The following EXOC6B variants were observed in gnomAD, a reference collection of about 807,000 sequenced individuals.
The protein encoded by EXOC6B is exocyst complex component 6B, also known as SEC15 homolog B.
In EXOC6B, 54 loss-of-function variants were observed where a neutral mutation model predicts 113.5. The observed-to-expected ratio is 0.48, with a 90% CI of 0.38 to 0.60. The LOEUF (loss-of-function observed/expected upper bound fraction) is 0.60, where lower values mean the gene tolerates loss of function less well. Ranked by LOEUF, EXOC6B falls within the 20% of genes least tolerant of loss-of-function variation. EXOC6B has a pLI of 0.00. For synonymous variants in EXOC6B, 357 were observed against 339.0 expected (o/e 1.05, Z -0.58); for missense variants, 797 against 977.5 (o/e 0.82, Z 2.46).
intron 8 of EXOC6B, among the ~76,000 whole-genome samples, chr2:72,533,254 C>A (rs1702110604): frequency 6.6e-6 from 1 of 152,208 alleles, no homozygotes; most frequent in South Asian, 2.1e-4. Context: ...TTAAATCTGG[C>A]AGTGATCCTT....
chr2:72,731,178 T>C lies in EXOC6B; in HGVS notation c.395A>G (p.Asp132Gly). ...LQQRNISATV[D>G]KLMLCLPVLE... ...ACCTGGAAGACACAGCATTAATTTATCAACAGTGGCAGAAATATTTCTCTG... is the reference window on the plus strand; with the variant it reads ...ACCTGGAAGACACAGCATTAATTTACCAACAGTGGCAGAAATATTTCTCTG... The change falls in exon 4 of 22, where the codon GAT becomes GGT. Residue 132 changes from aspartate to glycine, a missense_variant. Transcript: ENST00000272427. 2 of 1,613,300 alleles carry C rather than the reference T, an allele frequency of 1.2e-6. No homozygotes were observed. The highest frequency in any genetic ancestry group is 1.7e-6 in the Non-Finnish European group (2 of 1,179,592).
intron 6 of EXOC6B, among the ~76,000 whole-genome samples, chr2:72,698,555 G>T (rs977957095): frequency 6.6e-6 from 1 of 152,084 alleles, no homozygotes; most frequent in African/African-American, 2.4e-5. Context: ...ATTTTTCATT[G>T]TTATCTTGCC....
chr2:72,567,953 G>A (rs1704283700), intron 7 of EXOC6B, among the ~76,000 whole-genome samples: 1 of 151,990 alleles, frequency 6.6e-6, no homozygotes, highest in South Asian at 2.1e-4. Context: ...TCCAGAAAGT[G>A]GCATCAATGA....
chr2:72,465,801 C>G (rs1014368599), intron 17 of EXOC6B, among the ~76,000 whole-genome samples: 6 of 152,174 alleles, frequency 3.9e-5, no homozygotes, highest in Admixed American at 3.3e-4. Context: ...CACTTTCATT[C>G]TGATCTTCCT....
Position 72,280,374 on chromosome 2 carries a change from G to A in EXOC6B, c.2196+54573C>T, listed in dbSNP as rs200804937. 1.4e-4 allele frequency among the ~76,000 whole-genome samples: 22 copies of A among 151,862 alleles called. No homozygotes were observed. The East Asian group carries it at 2.9e-3, about 20-fold the overall frequency. On this transcript the variant is annotated intron_variant, in intron 20 of 21. Transcript: ENST00000272427. ...ACCCTTTTTTTTTAGAAAATGTCAA[G>A]ATAACACAGATGTTAGAATTAAGCA...
intron 1 of EXOC6B, among the ~76,000 whole-genome samples, chr2:72,822,913 T>C (rs145867155): frequency 3.3e-5 from 5 of 152,018 alleles, no homozygotes; most frequent in Non-Finnish European, 5.9e-5. Context: ...ATGATAGTGA[T>C]GAAAAACAGG....
At chr2:72,359,981 G>C (rs1244118751) in intron 19 of EXOC6B, among the ~76,000 whole-genome samples, 2 of 152,104 alleles carry the variant, frequency 1.3e-5, no homozygotes, top group African/African-American at 4.8e-5. Flanking sequence ...ATGAGTAGAA[G>C]CTTACTGAGG....
At chr2:72,819,448 A>G (rs1686462680) in intron 1 of EXOC6B, among the ~76,000 whole-genome samples, 2 of 152,112 alleles carry the variant, frequency 1.3e-5, no homozygotes, top group Admixed American at 6.5e-5. Context: ...TCAAGGACGG[A>G]GTATATCACA....
At chr2:72,606,896 C>G (rs1670790931) in intron 6 of EXOC6B, among the ~76,000 whole-genome samples, 1 of 152,108 alleles carries the variant, frequency 6.6e-6, no homozygotes, top group East Asian at 1.9e-4. Flanking sequence ...CAGGCATGAG[C>G]CACCATGCCC....
chr2:72,414,627 CTT>C (rs1364536571), intron 18 of EXOC6B, among the ~76,000 whole-genome samples: 2 of 152,168 alleles, frequency 1.3e-5, no homozygotes, highest in African/African-American at 4.8e-5. Flanking sequence ...ATCAGCTAAA[CTT>C]TAGAAATTAA....
At chr2:72,554,218 C>G (rs76638280) in intron 8 of EXOC6B, among the ~76,000 whole-genome samples, 2,220 of 152,246 alleles carry the variant, frequency 0.015, 58 homozygotes, top group African/African-American at 0.05. Context: ...ACACAATTCT[C>G]CCTGAAAAAT....
At chr2:72,649,308 T>C (rs566328908) in intron 6 of EXOC6B, among the ~76,000 whole-genome samples, 9 of 152,148 alleles carry the variant, frequency 5.9e-5, no homozygotes, top group Non-Finnish European at 1.0e-4. Context: ...AGGGTGAGTA[T>C]AGTAAATAAC....
chr2:72,718,439 A>G lies in EXOC6B; in HGVS notation c.465-132T>C, dbSNP rs138225479. The G allele has an allele frequency of 2.2e-3, 1,178 of 532,738 alleles. 10 individuals are homozygous for G. The highest frequency in any genetic ancestry group is 0.021 in the African/African-American group (1,065 of 51,732). The allele number at this position is 532,738 out of a possible 1,614,324, so 33.0% of individuals were successfully genotyped here. On this transcript the variant is annotated intron_variant, in intron 5 of 21. Transcript: ENST00000272427. ...AAGTTTTAATGAGAACATCAGTGAA[A>G]AGAATCTCAAATTATTAAAAACTAA...
intron 20 of EXOC6B, among the ~76,000 whole-genome samples, chr2:72,305,828 T>A (rs1022848197): frequency 3.3e-5 from 5 of 152,252 alleles, no homozygotes; most frequent in Non-Finnish European, 7.3e-5. Context: ...TTCTTCAGAA[T>A]AATTTTATGT....
At chr2:72,690,087 G>A (rs937126168) in intron 6 of EXOC6B, among the ~76,000 whole-genome samples, 4 of 152,150 alleles carry the variant, frequency 2.6e-5, no homozygotes, top group African/African-American at 9.7e-5. Context: ...TTCTGCCTAT[G>A]AGGCTATGAG....
intron 20 of EXOC6B, among the ~76,000 whole-genome samples, chr2:72,271,998 T>C (rs563141867): frequency 6.6e-6 from 1 of 152,152 alleles, no homozygotes; most frequent in Non-Finnish European, 1.5e-5. Context: ...GCTGATATAG[T>C]TTATGGTCTG....
chr2:72,680,951 C>G (rs1676659616), intron 6 of EXOC6B, among the ~76,000 whole-genome samples: 2 of 152,132 alleles, frequency 1.3e-5, no homozygotes, highest in Admixed American at 1.3e-4. Flanking sequence ...AGTGTGGACT[C>G]CCAGCCTCCA....
intron 8 of EXOC6B, among the ~76,000 whole-genome samples, chr2:72,557,327 G>A (rs1330803426): frequency 8.0e-6 from 1 of 125,334 alleles, no homozygotes; most frequent in Non-Finnish European, 1.6e-5. Context: ...TGATAATAGA[G>A]TGTCACAGTC....
intron 20 of EXOC6B, among the ~76,000 whole-genome samples, chr2:72,300,041 T>A (rs1044939369): frequency 1.3e-5 from 2 of 152,146 alleles, no homozygotes; most frequent in East Asian, 3.9e-4. Context: ...TTAGCAGAGC[T>A]CAAATGCTGT....
Sources: gnomAD v4.1 joint callset for allele counts (sites outside exome capture counted in the v4.1 genomes callset) on GRCh38, gnomAD v4.1.1 for gene constraint, MANE v1.5 for transcripts, NCBI Gene and HGNC (gene_info 2026-07-23, HGNC 2026-07-21) for gene names.